Variants in CALN1 observed in about 807,000 individuals in gnomAD.
The protein encoded by CALN1 is calneuron 1.
CALN1 carries 17 observed loss-of-function variants against 30.6 expected under a neutral mutation model. The ratio of observed to expected loss-of-function variants is 0.56; its 90% CI spans 0.38 to 0.83. The LOEUF is 0.83. CALN1 is among the 40% of genes least tolerant of loss of function. CALN1 has a pLI of 0.00. For synonymous variants in CALN1, 156 were observed against 131.4 expected (o/e 1.19, Z -1.28); for missense variants, 291 against 354.9 (o/e 0.82, Z 1.45).
intron 5 of CALN1, among the ~76,000 whole-genome samples, chr7:72,006,952 A>G (rs1320468227): frequency 1.3e-5 from 2 of 152,124 alleles, no homozygotes; most frequent in Non-Finnish European, 2.9e-5. Flanking sequence ...TTGCATACAG[A>G]TTAAATCAAT....
chr7:71,798,172 A>G (rs1398060206), intron 6 of CALN1, among the ~76,000 whole-genome samples: 3 of 136,810 alleles, frequency 2.2e-5, no homozygotes, highest in South Asian at 2.4e-4. Context: ...AGAGAGAGAG[A>G]GAGATGTTGC....
intron 2 of CALN1, among the ~76,000 whole-genome samples, chr7:72,365,189 C>A (rs537499884): frequency 6.6e-6 from 1 of 152,210 alleles, no homozygotes; most frequent in Non-Finnish European, 1.5e-5. Flanking sequence ...ACTGTAATCC[C>A]ACCTACTCGG....
intron 2 of CALN1, among the ~76,000 whole-genome samples, chr7:72,305,720 G>A (rs112688710): frequency 2.6e-4 from 39 of 152,276 alleles, no homozygotes; most frequent in East Asian, 3.9e-4. Flanking sequence ...TCAGGTTACC[G>A]TAACAAAAGA....
At chr7:71,917,311 G>C (rs1794730268) in intron 5 of CALN1, among the ~76,000 whole-genome samples, 1 of 152,170 alleles carries the variant, frequency 6.6e-6, no homozygotes, top group African/African-American at 2.4e-5. Context: ...AGGTACAAAT[G>C]TTCAGTTGGA....
the CALN1 span, among the ~76,000 whole-genome samples, chr7:72,466,564 C>T: frequency 3.3e-5 from 5 of 151,924 alleles, no homozygotes; most frequent in African/African-American, 9.7e-5. Flanking sequence ...GCCAACATGG[C>T]GAAACCCCGT....
chr7:72,437,063 G>T (rs1367011984), intron 1 of CALN1, among the ~76,000 whole-genome samples: 2 of 147,562 alleles, frequency 1.4e-5, no homozygotes, highest in Non-Finnish European at 3.0e-5. Context: ...GACCAGATGA[G>T]ACCCTGTCTC....
chr7:72,364,338 G>A (rs1217039179), intron 2 of CALN1, among the ~76,000 whole-genome samples: 3 of 152,122 alleles, frequency 2.0e-5, no homozygotes, highest in Non-Finnish European at 2.9e-5. Context: ...AATTAATGGG[G>A]AAGAACTAGC....
intron 1 of CALN1, among the ~76,000 whole-genome samples, chr7:72,444,471 C>T (rs1035744753): frequency 2.0e-5 from 3 of 152,166 alleles, no homozygotes; most frequent in African/African-American, 7.2e-5. Context: ...TAAAAACCAC[C>T]TATGTTGAAG....
At chr7:72,322,996 C>CAGGGGAGGGG (rs778883143) in intron 2 of CALN1, among the ~76,000 whole-genome samples, 1 of 111,252 alleles carries the variant, frequency 9.0e-6, no homozygotes, top group Non-Finnish European at 1.8e-5. Context: ...AGAAAAAGGA[C>CAGGGGAGGGG]AGGGGAGGGG....
intron 2 of CALN1, among the ~76,000 whole-genome samples, chr7:72,388,561 G>A (rs963266071): frequency 1.3e-5 from 2 of 152,138 alleles, no homozygotes; most frequent in East Asian, 1.9e-4. Context: ...CTGCGTGTTG[G>A]GGATATGGGC....
intron 2 of CALN1, among the ~76,000 whole-genome samples, chr7:72,389,665 A>C (rs1243772940): frequency 6.6e-6 from 1 of 152,186 alleles, no homozygotes; most frequent in Non-Finnish European, 1.5e-5. Context: ...TGTGCCTGTA[A>C]TCCCAACACT....
chr7:71,842,777 A>G (rs1051509611), intron 5 of CALN1, among the ~76,000 whole-genome samples: 3 of 152,178 alleles, frequency 2.0e-5, no homozygotes, highest in African/African-American at 7.2e-5. Flanking sequence ...ATAAGTAATT[A>G]TTCCCAAAAG....
chr7:72,019,670 C>T (rs906653546), intron 5 of CALN1, among the ~76,000 whole-genome samples: 5 of 152,138 alleles, frequency 3.3e-5, no homozygotes, highest in Admixed American at 2.0e-4. Flanking sequence ...CCAGGAAGCA[C>T]ATCTTCCAGT....
intron 2 of CALN1, among the ~76,000 whole-genome samples, chr7:72,292,458 G>A (rs1798550286): frequency 6.8e-6 from 1 of 147,898 alleles, no homozygotes; most frequent in African/African-American, 2.5e-5. Context: ...AGGTGATTGG[G>A]TCACTATATC....
chr7:71,965,715 A>G (rs565108748), intron 5 of CALN1, among the ~76,000 whole-genome samples: 2 of 151,714 alleles, frequency 1.3e-5, no homozygotes, highest in East Asian at 1.9e-4. Flanking sequence ...TATATTGGTG[A>G]AAGTTCAAAG....
intron 6 of CALN1, among the ~76,000 whole-genome samples, chr7:71,800,764 T>C (rs1483225567): frequency 6.7e-6 from 1 of 149,958 alleles, no homozygotes; most frequent in African/African-American, 2.5e-5. Context: ...CATTGACAGG[T>C]AGACCCAGGT....
At chr7:71,857,439 T>G (rs1182942114) in intron 5 of CALN1, among the ~76,000 whole-genome samples, 3 of 152,194 alleles carry the variant, frequency 2.0e-5, no homozygotes, top group Non-Finnish European at 2.9e-5. Flanking sequence ...GGGCTGGAAG[T>G]GCTGTCAGGG....
chr7:71,924,596 C>T (rs1298338355), intron 5 of CALN1, among the ~76,000 whole-genome samples: 2 of 152,062 alleles, frequency 1.3e-5, no homozygotes, highest in Admixed American at 6.5e-5. Flanking sequence ...TTCCTAATTC[C>T]TTGTTTTTAA....
At chr7:71,952,876 T>C (rs957262884) in intron 5 of CALN1, among the ~76,000 whole-genome samples, 46 of 152,202 alleles carry the variant, frequency 3.0e-4, no homozygotes, top group Admixed American at 3.0e-3. Context: ...GAAAGTCTTC[T>C]TCGATTCCTC....
Sources: allele counts gnomAD v4.1 joint callset (sites outside exome capture counted in the v4.1 genomes callset), GRCh38; gene constraint gnomAD v4.1.1; transcripts MANE v1.5; gene names NCBI Gene and HGNC (gene_info 2026-07-23, HGNC 2026-07-21).